Variants in SLC25A26 observed in about 807,000 individuals in gnomAD.
The protein encoded by SLC25A26 is solute carrier family 25 member 26, also known as mitochondrial S-adenosylmethionine carrier protein.
Under a neutral mutation model 37.8 loss-of-function variants are expected in SLC25A26, and 36 were observed. The ratio of observed to expected loss-of-function variants is 0.95; its 90% CI spans 0.73 to 1.26. SLC25A26 has a LOEUF of 1.26. Among genes scored for constraint, SLC25A26 ranks in the 50% most tolerant of loss-of-function variants. SLC25A26 has a pLI of 0.00. For synonymous variants in SLC25A26, 129 were observed against 122.5 expected (o/e 1.05, Z -0.35); for missense variants, 390 against 331.1 (o/e 1.18, Z -1.38).
At chr3:66,347,023 A>C (rs332352) in intron 6 of SLC25A26, among the ~76,000 whole-genome samples, 64,506 of 151,926 alleles carry the variant, frequency 0.42, 14,086 homozygotes, top group East Asian at 0.7. Flanking sequence ...CTATTTAAAA[A>C]AAAAACAACA....
At chr3:66,356,044 A>G (rs1277466755) in intron 6 of SLC25A26, 1 of 456,322 alleles carries the variant, frequency 2.2e-6, no homozygotes, top group African/African-American at 2.0e-5. Flanking sequence ...TGGAAGCCAT[A>G]TAACTGCTTT....
At chr3:66,216,302 AG>A (rs2071360481), upstream of SLC25A26, among the ~76,000 whole-genome samples, 1 of 152,194 alleles carries the variant, frequency 6.6e-6, no homozygotes, top group South Asian at 2.1e-4. Flanking sequence ...GCTTGAGCTC[AG>A]GAGTTCAAGA....
At chr3:66,227,344 A>AT (rs1010253769) in intron 1 of SLC25A26, among the ~76,000 whole-genome samples, 6 of 151,336 alleles carry the variant, frequency 4.0e-5, no homozygotes, top group Non-Finnish European at 5.9e-5. Context: ...ACCACTTTTC[A>AT]TTTTTTTTGC....
chr3:66,237,517 T>A (rs1463802171), intron 2 of SLC25A26, among the ~76,000 whole-genome samples: 1 of 152,240 alleles, frequency 6.6e-6, no homozygotes, highest in Non-Finnish European at 1.5e-5. Flanking sequence ...CACATTTCTA[T>A]CCTAATTAAA....
rs1208742888 is a variant in SLC25A26 at position 66,262,147 on chromosome 3, T to C, written c.397T>C (p.Tyr133His). Residue 133 changes from tyrosine (Y) to histidine (H), a missense_variant, in exon 4 of 10, where the codon TAT becomes CAT. Transcript: ENST00000354883. ...RTFQIFSNIL[Y>H]EEGIQGLYRG... ...ATTTCAGATTTTCTCTAACATCTTA[T>C]ATGAAGAGGTGAGATGGGTTTTTTA... The C allele has an allele frequency of 5.9e-6, 9 of 1,532,094 alleles. No individual in the cohort carries two copies. Among genetic ancestry groups the C allele is most frequent in the East Asian group, 2.3e-5 (1 of 42,660 alleles). 94.9% of individuals were successfully genotyped at this position (1,532,094 alleles called of 1,614,324 possible). A position where few individuals can be genotyped will look rare whatever the true frequency, so the allele number is the denominator to read the frequency against.
intron 5 of SLC25A26, among the ~76,000 whole-genome samples, chr3:66,343,977 G>A (rs1006078257): frequency 3.9e-5 from 6 of 152,178 alleles, no homozygotes; most frequent in Non-Finnish European, 5.9e-5. Flanking sequence ...CGACATTCGG[G>A]GGGGCTGGCT....
chr3:66,349,165 A>G (rs1427037380), intron 6 of SLC25A26, among the ~76,000 whole-genome samples: 1 of 152,252 alleles, frequency 6.6e-6, no homozygotes, highest in East Asian at 1.9e-4. Flanking sequence ...CAGAGTAATC[A>G]TAGATGACAA....
At chr3:66,164,996 T>C (rs1199835705) in intron 1 of SLC25A26, among the ~76,000 whole-genome samples, 1 of 152,194 alleles carries the variant, frequency 6.6e-6, no homozygotes, top group Non-Finnish European at 1.5e-5. Flanking sequence ...TTCATGCCTT[T>C]GAATCAGGTT....
intron 8 of SLC25A26, among the ~76,000 whole-genome samples, chr3:66,369,997 G>A (rs1700259620): frequency 6.6e-6 from 1 of 152,176 alleles, no homozygotes; most frequent in African/African-American, 2.4e-5. Context: ...AGAGTTGAAA[G>A]AATGCCATAC....
chr3:66,151,017 C>T (rs1000791351), intron 1 of SLC25A26, among the ~76,000 whole-genome samples: 2 of 151,886 alleles, frequency 1.3e-5, no homozygotes, highest in Admixed American at 6.6e-5. Flanking sequence ...AATGCCACAC[C>T]GGGAAGCAGG....
intron 5 of SLC25A26, among the ~76,000 whole-genome samples, chr3:66,286,822 C>T (rs1007478290): frequency 8.5e-5 from 13 of 152,054 alleles, no homozygotes; most frequent in African/African-American, 2.7e-4. Context: ...ACCACCATGC[C>T]CTGCTAATTT....
chr3:66,375,747 T>A (rs773180934), intron 9 of SLC25A26, among the ~76,000 whole-genome samples: 1 of 152,156 alleles, frequency 6.6e-6, no homozygotes, highest in Non-Finnish European at 1.5e-5. Context: ...CTGGTCACCC[T>A]GGAGTTCTGC....
At chr3:66,299,948 A>G (rs2075023770) in intron 5 of SLC25A26, among the ~76,000 whole-genome samples, 1 of 152,176 alleles carries the variant, frequency 6.6e-6, no homozygotes, top group African/African-American at 2.4e-5. Context: ...ATAGTATTTA[A>G]TATTTAATAA....
chr3:66,194,852 C>A (rs1366136514), intron 1 of SLC25A26, among the ~76,000 whole-genome samples: 3 of 152,206 alleles, frequency 2.0e-5, no homozygotes, highest in Admixed American at 1.3e-4. Flanking sequence ...CCGCCCTCCT[C>A]GGCCTCCCAA....
At chr3:66,355,108 C>G (rs754651237) in intron 6 of SLC25A26, among the ~76,000 whole-genome samples, 1 of 152,134 alleles carries the variant, frequency 6.6e-6, no homozygotes, top group Non-Finnish European at 1.5e-5. Flanking sequence ...CTAGCCCAGT[C>G]AGTTCCAAAA....
intron 1 of SLC25A26, among the ~76,000 whole-genome samples, chr3:66,140,556 TGC>T (rs2070018553): frequency 6.6e-6 from 1 of 152,208 alleles, no homozygotes; most frequent in Non-Finnish European, 1.5e-5. Flanking sequence ...ACATACAGGA[TGC>T]ACGCTGAGGT....
chr3:66,287,920 C>G (rs1363165383), intron 5 of SLC25A26, among the ~76,000 whole-genome samples: 2 of 152,212 alleles, frequency 1.3e-5, no homozygotes, highest in African/African-American at 2.4e-5. Context: ...TCTTTGTACA[C>G]TATCACTCAA....
intron 5 of SLC25A26, among the ~76,000 whole-genome samples, chr3:66,264,168 A>C (rs916270499): frequency 6.7e-6 from 1 of 149,560 alleles, no homozygotes; most frequent in Admixed American, 6.7e-5. Flanking sequence ...GTTACTCGGG[A>C]GGCTGAGGCA....
intron 1 of SLC25A26, among the ~76,000 whole-genome samples, chr3:66,197,176 T>C (rs1187586527): frequency 1.3e-5 from 2 of 152,174 alleles, no homozygotes; most frequent in African/African-American, 4.8e-5. Flanking sequence ...ATGAATTTTT[T>C]TCAATATTAC....
Sources: allele counts gnomAD v4.1 joint callset (sites outside exome capture counted in the v4.1 genomes callset), GRCh38; gene constraint gnomAD v4.1.1; transcripts MANE v1.5; gene names NCBI Gene and HGNC (gene_info 2026-07-23, HGNC 2026-07-21).